TNKS: variants seen among roughly 807,000 people sequenced by gnomAD.
TNKS encodes the protein poly [ADP-ribose] polymerase tankyrase-1.
In TNKS, 72 loss-of-function variants were observed where a neutral mutation model predicts 135.8. The ratio of observed to expected loss-of-function variants is 0.53; its 90% CI spans 0.44 to 0.64. The LOEUF is 0.64. Among genes scored for constraint, TNKS ranks in the 30% least tolerant of loss-of-function variants. The pLI, the probability that TNKS is intolerant of heterozygous loss-of-function variation, is 0.00. For synonymous variants in TNKS, 849 were observed against 649.3 expected, an observed-to-expected ratio of 1.31 and a Z score of -4.68; for missense variants, 1,769 against 1,674.0, an observed-to-expected ratio of 1.06 and a Z score of -0.99.
chr8:9,637,819 A>G (rs1371158796), intron 3 of TNKS, among the ~76,000 whole-genome samples: 1 of 152,250 alleles, frequency 6.6e-6, no homozygotes, highest in Non-Finnish European at 1.5e-5. Context: ...AAGAAGGGAA[A>G]GAAACTCAAT....
intron 3 of TNKS, among the ~76,000 whole-genome samples, chr8:9,627,146 A>C (rs1424194409): frequency 6.6e-6 from 1 of 152,230 alleles, no homozygotes; most frequent in Non-Finnish European, 1.5e-5. Flanking sequence ...GAGAGCTTCC[A>C]GAGAGCTGAA....
intron 3 of TNKS, among the ~76,000 whole-genome samples, chr8:9,673,784 T>G (rs1368235376): frequency 6.6e-6 from 1 of 152,148 alleles, no homozygotes; most frequent in Non-Finnish European, 1.5e-5. Context: ...GTCGGGGGGT[T>G]CATTTCCGTT....
rs140778294 is a variant in TNKS at position 9,692,485 on chromosome 8, G to C, written c.1107+11685G>C. Among the ~76,000 whole-genome samples, 24 of 152,300 alleles carry C rather than the reference G, an allele frequency of 1.6e-4. No individual in the cohort carries two copies. In the East Asian group the frequency reaches 4.6e-3, roughly 29 times the overall value. The stretch of plus-strand genomic sequence containing the variant: ...ATATGTTAAACAGCCTTAGGTTTTA[G>C]GAGTAGTATCATGCCATGATCCACT... On this transcript the variant is annotated intron_variant, in intron 5 of 26. Coordinates refer to ENST00000310430, the MANE Select transcript of TNKS (RefSeq NM_003747.3).
chr8:9,771,678 G>GGAGAGA (rs372358789), intron 26 of TNKS, among the ~76,000 whole-genome samples: 3 of 113,032 alleles, frequency 2.7e-5, no homozygotes, highest in African/African-American at 3.8e-5. Context: ...AGGAAGGGAG[G>GGAGAGA]GAGAGAGAGA....
chr8:9,735,447 G>C lies in TNKS; in HGVS notation c.2604G>C (p.Lys868Asn), dbSNP rs1356546314. 6.2e-7 allele frequency: 1 copy of C among 1,613,948 alleles called. No homozygotes were observed. Among genetic ancestry groups the C allele is most frequent in the Admixed American group, 1.7e-5 (1 of 59,988 alleles). Reference sequence around the variant, plus strand: ...GAGCTGATGTTAATGCCCAGGACAAGGGTGGTTTAATTCCTCTTCATAATG... The same window carrying C: ...GAGCTGATGTTAATGCCCAGGACAACGGTGGTTTAATTCCTCTTCATAATG... Reference protein sequence around the residue: ...EHGADVNAQDKGGLIPLHNAA... With the variant: ...EHGADVNAQDNGGLIPLHNAA... Residue 868 changes from lysine to asparagine, a missense_variant, in exon 17 of 27, where the codon AAG becomes AAC. Transcript: ENST00000310430.
At chr8:9,763,751 C>T (rs568545404) in intron 22 of TNKS, among the ~76,000 whole-genome samples, 2 of 152,256 alleles carry the variant, frequency 1.3e-5, no homozygotes, top group African/African-American at 4.8e-5. Flanking sequence ...TTGTGTAACC[C>T]TCCTGGTGGT....
chr8:9,566,016 T>G (rs1205853844), intron 1 of TNKS, among the ~76,000 whole-genome samples: 4 of 152,174 alleles, frequency 2.6e-5, no homozygotes, highest in African/African-American at 9.7e-5. Flanking sequence ...AAGTAGACAT[T>G]GAAAAGTTCT....
At chr8:9,750,601 C>T (rs1430346631) in intron 18 of TNKS, among the ~76,000 whole-genome samples, 1 of 152,178 alleles carries the variant, frequency 6.6e-6, no homozygotes, top group East Asian at 1.9e-4. Context: ...CATTCACAGC[C>T]TCCCTCAGCA....
At chr8:9,634,785 A>G (rs1349385613) in intron 3 of TNKS, among the ~76,000 whole-genome samples, 1 of 152,194 alleles carries the variant, frequency 6.6e-6, no homozygotes, top group Middle Eastern at 3.4e-3. Flanking sequence ...CATGCCGTTT[A>G]TTAAAAGACA....
At chr8:9,704,784 A>G (rs758046576) in intron 6 of TNKS, 27 bp downstream of exon 6, 17 of 1,582,870 alleles carry the variant, frequency 1.1e-5, no homozygotes, top group Non-Finnish European at 1.4e-5. Context: ...ACTTCCTGTC[A>G]GTGCTTTGTT....
chr8:9,731,629 T>C (rs1038837867), intron 14 of TNKS, among the ~76,000 whole-genome samples: 1 of 152,080 alleles, frequency 6.6e-6, no homozygotes, highest in Non-Finnish European at 1.5e-5. Context: ...GTGGTGGTGG[T>C]GATTTTTAAC....
At chr8:9,556,694 A>G in intron 1 of TNKS, 82 bp downstream of exon 1, 1 of 1,527,462 alleles carries the variant, frequency 6.5e-7, no homozygotes, top group Non-Finnish European at 9.0e-7. Context: ...GGTTATTGTG[A>G]TGGGACAAAG....
chr8:9,738,764 A>G (rs1179935564), intron 17 of TNKS, among the ~76,000 whole-genome samples: 2 of 85,900 alleles, frequency 2.3e-5, no homozygotes, highest in African/African-American at 9.5e-5. Flanking sequence ...GGTCTGAGAG[A>G]TAGTTTGTTA....
chr8:9,734,181 A>G (rs1225240869), intron 15 of TNKS, among the ~76,000 whole-genome samples: 1 of 152,190 alleles, frequency 6.6e-6, no homozygotes, highest in African/African-American at 2.4e-5. Flanking sequence ...GGTTGGTAAG[A>G]AATAACTTCC....
chr8:9,628,167 TAA>T (rs60413454), intron 3 of TNKS, among the ~76,000 whole-genome samples: 4 of 151,782 alleles, frequency 2.6e-5, no homozygotes, highest in African/African-American at 4.8e-5. Flanking sequence ...AACAATAAAA[TAA>T]AAAAAAAAAC....
At chr8:9,717,072 A>ATATATATATATATTTATATATATATAT (rs376229840) in intron 11 of TNKS, among the ~76,000 whole-genome samples, 1 of 79,460 alleles carries the variant, frequency 1.3e-5, no homozygotes, top group Non-Finnish European at 2.5e-5. Flanking sequence ...GTTGTATTAT[A>ATATATATATATATTTATATATATATAT]ATATATATAT....
chr8:9,698,885 G>A (rs1803657644), intron 5 of TNKS, among the ~76,000 whole-genome samples: 1 of 152,126 alleles, frequency 6.6e-6, no homozygotes, highest in Non-Finnish European at 1.5e-5. Context: ...TAATTTATAG[G>A]ACTTCCTTAA....
At chr8:9,747,944 A>G in intron 17 of TNKS, 80 bp from the exon 18 acceptor site, 2 of 1,334,660 alleles carry the variant, frequency 1.5e-6, no homozygotes, top group Admixed American at 5.0e-5. Flanking sequence ...GTGAATTGTT[A>G]AATAAAAACA....
chr8:9,675,702 G>A (rs1163694637), intron 3 of TNKS, among the ~76,000 whole-genome samples: 1 of 152,108 alleles, frequency 6.6e-6, no homozygotes, highest in Non-Finnish European at 1.5e-5. Context: ...ATTACTATTT[G>A]TTACTCTCTC....
Sources: allele counts gnomAD v4.1 joint callset (sites outside exome capture counted in the v4.1 genomes callset), GRCh38; gene constraint gnomAD v4.1.1; transcripts MANE v1.5; gene names NCBI Gene and HGNC (gene_info 2026-07-23, HGNC 2026-07-21).